NDUFA7: variants seen among roughly 807,000 people sequenced by gnomAD.
The protein encoded by NDUFA7 is NADH dehydrogenase [ubiquinone] 1 alpha subcomplex subunit 7.
A neutral mutation model predicts 14.2 loss-of-function variants in NDUFA7; 18 were observed. The observed-to-expected ratio is 1.27, with a 90% CI of 0.88 to 1.88. The LOEUF is 1.88. Ranked by LOEUF, NDUFA7 falls within the 40% of genes most tolerant of loss-of-function variation. NDUFA7 has a pLI of 0.00. For synonymous variants in NDUFA7, 75 were observed against 62.1 expected, an observed-to-expected ratio of 1.21 and a Z score of -0.98; for missense variants, 172 against 147.3, an observed-to-expected ratio of 1.17 and a Z score of -0.87.
chr19:8,316,262 C>A (rs1970232549), intron 3 of NDUFA7, among the ~76,000 whole-genome samples: 1 of 152,006 alleles, frequency 6.6e-6, no homozygotes, highest in Admixed American at 6.6e-5. Flanking sequence ...GCGTTCAAGG[C>A]TGCAGTGAGT....
chr19:8,316,954 C>T (rs981725012), intron 2 of NDUFA7: 2 of 257,694 alleles, frequency 7.8e-6, no homozygotes, highest in South Asian at 8.5e-5. Context: ...TGTCCCCATG[C>T]CCCCCACCCC....
chr19:8,320,544 GGCAAATGATTTC>G (rs1970290101), intron 2 of NDUFA7, among the ~76,000 whole-genome samples: 1 of 152,222 alleles, frequency 6.6e-6, no homozygotes, highest in Non-Finnish European at 1.5e-5. Flanking sequence ...AGTGACTTGA[GGCAAATGATTTC>G]GCCTCTCTGG....
intron 1 of NDUFA7, 117 bp downstream of exon 1, chr19:8,321,190 AG>A: frequency 3.2e-6 from 4 of 1,269,196 alleles, no homozygotes; most frequent in African/African-American, 1.5e-5. Context: ...GGGGGTTCCC[AG>A]GGAGATTCGG....
rs1425361996 is a variant in NDUFA7, at chr19:8,320,840, G to A, written c.101+17C>T. The A allele has an allele frequency of 4.3e-6, 7 of 1,613,614 alleles. No homozygotes were observed. Among genetic ancestry groups the A allele is most frequent in the Non-Finnish European group, 5.9e-6 (7 of 1,179,940 alleles). ...AGGACAGAGCCAGAGGCTGGGCAGC[G>A]AGCGGGGCCTGCTCACCGCTTGGAG... On this transcript the variant is annotated intron_variant, in intron 2 of 3. Transcript: ENST00000301457.
chr19:8,313,443 G>T (rs542856869), intron 3 of NDUFA7, among the ~76,000 whole-genome samples: 2 of 150,870 alleles, frequency 1.3e-5, no homozygotes, highest in Non-Finnish European at 3.0e-5. Flanking sequence ...TGTTAGCCAC[G>T]ATGGTCTCGA....
downstream of NDUFA7, chr19:8,310,915 G>A (rs1477238508): frequency 1.3e-5 from 2 of 152,208 alleles, no homozygotes; most frequent in Non-Finnish European, 2.9e-5. Context: ...TACTCGGGAG[G>A]CTGAGGCAGA....
At chr19:8,309,564 G>GCA (rs1970150344), downstream of NDUFA7, among the ~76,000 whole-genome samples, 2 of 151,814 alleles carry the variant, frequency 1.3e-5, no homozygotes, top group African/African-American at 4.8e-5. Context: ...TGTGGCCTCT[G>GCA]CACACCCTGC....
intron 3 of NDUFA7, among the ~76,000 whole-genome samples, chr19:8,314,296 G>A (rs1236513060): frequency 6.6e-6 from 1 of 151,460 alleles, no homozygotes; most frequent in African/African-American, 2.5e-5. Flanking sequence ...ACTCCAGCCT[G>A]TGCAATAAGA....
At position 8,311,365 on chromosome 19, in the gene NDUFA7, C is replaced by T. The variant is rs1970174486; in HGVS notation, c.*140G>A. The T allele has an allele frequency of 7.5e-6, 5 of 670,366 alleles. No individual in the cohort carries two copies. The Admixed American group carries it at 8.8e-5, about 12-fold the overall frequency. The allele number at this position is 670,366 out of a possible 1,614,324, so 41.5% of individuals were successfully genotyped here. On this transcript the variant is annotated 3_prime_UTR_variant, in exon 4 of 4. Transcript: ENST00000301457. ...GATCAGCCTGGGAAACATGGTGAGA[C>T]TCTGTCTCTATTTTTTTATTTTTTA...
chr19:8,320,002 C>A (rs1407446316), intron 2 of NDUFA7, among the ~76,000 whole-genome samples: 1 of 152,090 alleles, frequency 6.6e-6, no homozygotes, highest in Non-Finnish European at 1.5e-5. Context: ...CGCGCCACCA[C>A]GCCCGGCTAA....
At chr19:8,317,436 G>C (rs1440368579) in intron 2 of NDUFA7, among the ~76,000 whole-genome samples, 1 of 152,124 alleles carries the variant, frequency 6.6e-6, no homozygotes, top group Non-Finnish European at 1.5e-5. Context: ...ATGGTGGTGG[G>C]AGGCAGAGGT....
chr19:8,316,912 G>T, intron 2 of NDUFA7: 1 of 362,848 alleles, frequency 2.8e-6, no homozygotes, highest in South Asian at 4.4e-5. Flanking sequence ...GGGTACAGAG[G>T]ACCCTTTCTG....
chr19:8,314,693 CAT>C (rs1970213676), intron 3 of NDUFA7, among the ~76,000 whole-genome samples: 3 of 152,242 alleles, frequency 2.0e-5, no homozygotes, highest in Admixed American at 2.0e-4. Context: ...GCGGGCAGAT[CAT>C]GAGATCAGGA....
intron 1 of NDUFA7, 74 bp downstream of exon 1, chr19:8,321,234 T>C (rs557133946): frequency 6.2e-5 from 89 of 1,433,612 alleles, no homozygotes; most frequent in Non-Finnish European, 7.5e-5. Context: ...AGGAGGGAGG[T>C]GAGGAGCAGG....
chr19:8,316,680 GAC>G, intron 2 of NDUFA7, 35 bp from the exon 3 acceptor site: 1 of 1,609,508 alleles, frequency 6.2e-7, no homozygotes, highest in South Asian at 1.1e-5. Context: ...GAAGCAAAGA[GAC>G]AGTCACTGTC....
chr19:8,321,287 A>C (rs1308263465), intron 1 of NDUFA7, 21 bp downstream of exon 1: 1 of 1,555,256 alleles, frequency 6.4e-7, no homozygotes, highest in Non-Finnish European at 8.7e-7. Context: ...CCCATGGTGC[A>C]GCCCTGTCCG....
intron 3 of NDUFA7, among the ~76,000 whole-genome samples, chr19:8,315,416 G>C (rs1430295333): frequency 6.6e-6 from 1 of 152,214 alleles, no homozygotes; most frequent in African/African-American, 2.4e-5. Flanking sequence ...TACTGAGATA[G>C]GGGAAAACCG....
At chr19:8,309,459 G>A (rs548050259), downstream of NDUFA7, among the ~76,000 whole-genome samples, 3 of 151,332 alleles carry the variant, frequency 2.0e-5, no homozygotes, top group Non-Finnish European at 4.4e-5. Context: ...GGGTGACAGA[G>A]TGAGACTCTG....
intron 3 of NDUFA7, among the ~76,000 whole-genome samples, chr19:8,314,685 G>A (rs140695433): frequency 0.043 from 6,602 of 152,208 alleles, 208 homozygotes; most frequent in Non-Finnish European, 0.066. Context: ...AGGCCAACGC[G>A]GGCAGATCAT....
Sources: gnomAD v4.1 joint callset for allele counts (sites outside exome capture counted in the v4.1 genomes callset) on GRCh38, gnomAD v4.1.1 for gene constraint, MANE v1.5 for transcripts, NCBI Gene and HGNC (gene_info 2026-07-23, HGNC 2026-07-21) for gene names.